PDE4D: variants seen among roughly 807,000 people sequenced by gnomAD.
The protein encoded by PDE4D is phosphodiesterase 4D.
Under a neutral mutation model 87.4 loss-of-function variants are expected in PDE4D, and 24 were observed. The ratio of observed to expected loss-of-function variants is 0.27; its 90% confidence interval spans 0.20 to 0.39. The LOEUF is 0.39. PDE4D is among the 10% of genes least tolerant of loss of function. PDE4D has a pLI of 1.00. For synonymous variants in PDE4D, 384 were observed against 383.2 expected (o/e 1.00, Z -0.02); for missense variants, 714 against 1,041.0 (o/e 0.69, Z 4.32).
intron 1 of PDE4D, among the ~76,000 whole-genome samples, chr5:59,868,655 C>T (rs1031209597): frequency 1.3e-5 from 2 of 152,146 alleles, no homozygotes; most frequent in Non-Finnish European, 2.9e-5. Flanking sequence ...TAATGTCTAA[C>T]TGTCCTAAAA....
Position 59,416,580 on chromosome 5 carries a change from G to T in PDE4D, c.456-200612C>A, listed in dbSNP as rs2153624516. 2.0e-5 allele frequency among the ~76,000 whole-genome samples: 3 copies of T among 152,266 alleles called. 1 individual carries two copies. The highest frequency in any genetic ancestry group is 2.0e-4 in the Admixed American group (3 of 15,294). ...AAGCACTTGTAACTCTCTAGGTATT[G>T]CAGGAATTCGGGTAGTATCATTTAT... On this transcript the variant is annotated intron_variant, in intron 1 of 14. Coordinates refer to ENST00000340635, the MANE Select transcript of PDE4D (RefSeq NM_001104631.2).
chr5:59,913,913 G>A (rs954612801), intron 3 of PDE4D, among the ~76,000 whole-genome samples: 1 of 152,002 alleles, frequency 6.6e-6, no homozygotes, highest in Non-Finnish European at 1.5e-5. Context: ...AATATAATTT[G>A]TGCACTGCTG....
chr5:59,423,944 A>G (rs1251446746), intron 1 of PDE4D, among the ~76,000 whole-genome samples: 2 of 151,968 alleles, frequency 1.3e-5, no homozygotes, highest in Non-Finnish European at 2.9e-5. Flanking sequence ...GAGACTAGTT[A>G]TAAAGTTAGC....
At position 59,593,013 on chromosome 5, in the gene PDE4D, T is replaced by C. The variant is rs539487920; in HGVS notation, c.455+300155A>G. Among the ~76,000 whole-genome samples the C allele has an allele frequency of 5.3e-5, 8 of 151,900 alleles. No individual in the cohort carries two copies. In the East Asian group the frequency reaches 1.5e-3, roughly 29 times the overall value. ...TTTTTAATAAGAAGAGCTCTTTAAATGTTGTTTGCATATACCTTTAAAATT... is the reference window on the plus strand; with the variant it reads ...TTTTTAATAAGAAGAGCTCTTTAAACGTTGTTTGCATATACCTTTAAAATT... On this transcript the variant is annotated intron_variant, in intron 1 of 14. Transcript: ENST00000340635.
intron 1 of PDE4D, among the ~76,000 whole-genome samples, chr5:59,406,124 T>A (rs1488154059): frequency 6.6e-6 from 1 of 152,164 alleles, no homozygotes; most frequent in East Asian, 1.9e-4. Flanking sequence ...CTTTAAATGT[T>A]TGGCAAAATT....
At chr5:59,734,693 TA>T (rs35720201) in intron 1 of PDE4D, among the ~76,000 whole-genome samples, 1 of 151,928 alleles carries the variant, frequency 6.6e-6, no homozygotes, top group South Asian at 2.1e-4. Flanking sequence ...GTCATGGACT[TA>T]AAAAAAATTC....
chr5:59,051,650 A>T (rs1761568537), intron 5 of PDE4D, among the ~76,000 whole-genome samples: 1 of 152,236 alleles, frequency 6.6e-6, no homozygotes, highest in South Asian at 2.1e-4. Flanking sequence ...ACCAAAAGCT[A>T]GAAGGTCCAC....
At chr5:60,285,400 C>T (rs1194621227) in intron 1 of PDE4D, among the ~76,000 whole-genome samples, 1 of 151,636 alleles carries the variant, frequency 6.6e-6, no homozygotes, top group Admixed American at 6.6e-5. Flanking sequence ...AATAAGGATT[C>T]GGCTGTTGCT....
intron 1 of PDE4D, among the ~76,000 whole-genome samples, chr5:59,509,707 TG>T (rs1809929929): frequency 6.7e-6 from 1 of 150,042 alleles, no homozygotes; most frequent in African/African-American, 2.4e-5. Context: ...AAAAATACAA[TG>T]AGAAAAGGGA....
chr5:60,330,017 A>G (rs1358461736), intron 1 of PDE4D, among the ~76,000 whole-genome samples: 1 of 150,230 alleles, frequency 6.7e-6, no homozygotes, highest in Admixed American at 6.6e-5. Flanking sequence ...AGAGAATCAC[A>G]GTAACAAATA....
intron 2 of PDE4D, among the ~76,000 whole-genome samples, chr5:60,182,823 T>C (rs2149503837): frequency 6.7e-6 from 1 of 149,960 alleles, no homozygotes; most frequent in Admixed American, 6.7e-5. Context: ...GAGCTTGCAG[T>C]GAGCCGAGAT....
chr5:60,212,191 TA>T (rs757911284), intron 1 of PDE4D, among the ~76,000 whole-genome samples: 19 of 152,224 alleles, frequency 1.2e-4, no homozygotes, highest in Non-Finnish European at 2.5e-4. Flanking sequence ...TAACACATTC[TA>T]AATATGTAAT....
chr5:59,399,870 TCAAA>T lies in PDE4D; in HGVS notation c.456-183906_456-183903del, dbSNP rs1394722473. 3.6e-5 allele frequency among the ~76,000 whole-genome samples: 4 copies of T among 111,644 alleles called. 1 individual carries two copies. Among genetic ancestry groups the T allele is most frequent in the African/African-American group, 1.5e-4 (4 of 26,402 alleles). The allele number at this position is 111,644 out of a possible 152,430, so 73.2% of individuals were successfully genotyped here. A position where few individuals can be genotyped will look rare whatever the true frequency, so the allele number is the denominator to read the frequency against. ...CTAATATCCAGAATCTACAATGAAC[TCAAA>T]CAAATTTACAAGAAAAAAACAAATA... On this transcript the variant is annotated intron_variant, in intron 1 of 14. Coordinates refer to ENST00000340635, the MANE Select transcript of PDE4D (RefSeq NM_001104631.2).
chr5:59,846,663 T>C (rs577142574), intron 1 of PDE4D, among the ~76,000 whole-genome samples: 1 of 152,076 alleles, frequency 6.6e-6, no homozygotes, highest in African/African-American at 2.4e-5. Context: ...AGAAAACATC[T>C]TCAATGTGCA....
chr5:59,309,961 T>G (rs971468944), intron 1 of PDE4D, among the ~76,000 whole-genome samples: 1 of 152,186 alleles, frequency 6.6e-6, no homozygotes, highest in Admixed American at 6.5e-5. Context: ...TCTGCTTACG[T>G]GAGGTCTTCT....
intron 1 of PDE4D, among the ~76,000 whole-genome samples, chr5:59,655,631 C>G (rs1306603397): frequency 6.6e-6 from 1 of 151,990 alleles, no homozygotes; most frequent in African/African-American, 2.4e-5. Context: ...TTATTTTAGG[C>G]TTTAGCAGCC....
intron 2 of PDE4D, among the ~76,000 whole-genome samples, chr5:60,044,992 G>A (rs1173047079): frequency 6.6e-6 from 1 of 152,184 alleles, no homozygotes; most frequent in Non-Finnish European, 1.5e-5. Flanking sequence ...CAGTGTGAAA[G>A]TGTTCCTATT....
chr5:60,213,111 C>G (rs896993000), intron 1 of PDE4D, among the ~76,000 whole-genome samples: 1 of 152,138 alleles, frequency 6.6e-6, no homozygotes, highest in African/African-American at 2.4e-5. Context: ...TCCCTTCTTC[C>G]AGAGAGCTCA....
At chr5:60,212,155 A>G (rs1743299031) in intron 1 of PDE4D, among the ~76,000 whole-genome samples, 1 of 150,330 alleles carries the variant, frequency 6.7e-6, no homozygotes, top group African/African-American at 2.5e-5. Context: ...GCTCTTTGTC[A>G]TTATATATAT....
Sources: allele counts gnomAD v4.1 joint callset (sites outside exome capture counted in the v4.1 genomes callset), GRCh38; gene constraint gnomAD v4.1.1; transcripts MANE v1.5; gene names NCBI Gene and HGNC (gene_info 2026-07-23, HGNC 2026-07-21).